Variants in GLYATL1 observed in about 807,000 individuals in gnomAD.
The protein encoded by GLYATL1 is glycine-N-acyltransferase like 1.
A neutral mutation model predicts 20.0 loss-of-function variants in GLYATL1; 15 were observed. The observed-to-expected ratio is 0.75, with a 90% CI of 0.50 to 1.15. GLYATL1 has a LOEUF of 1.15. Ranked by LOEUF, GLYATL1 falls within the 50% of genes most tolerant of loss-of-function variation. The pLI is 0.00. For missense variants in GLYATL1, 380 were observed against 368.5 expected (o/e 1.03, Z -0.26); for synonymous variants, 151 against 131.5 (o/e 1.15, Z -1.01).
At chr11:58,905,714 ACC>A in intron 1 of GLYATL1, 1 of 169,466 alleles carries the variant, frequency 5.9e-6, no homozygotes, top group Non-Finnish European at 1.2e-5. Context: ...GATCGCTGGG[ACC>A]GGGATGGGTC....
chr11:58,907,797 A>G (rs1370133062), exon 2 of GLYATL1: 2 of 181,716 alleles, frequency 1.1e-5, no homozygotes, highest in East Asian at 2.8e-4. Context: ...CATGGAAACC[A>G]TTTCATACTT....
upstream of GLYATL1, among the ~76,000 whole-genome samples, chr11:58,927,396 A>G (rs555824512): frequency 6.6e-6 from 1 of 152,350 alleles, no homozygotes; most frequent in South Asian, 2.1e-4. Context: ...GCAAAGCTAG[A>G]GAGTCAGGCA....
At chr11:58,920,800 T>C (rs1231129046) in intron 1 of GLYATL1, among the ~76,000 whole-genome samples, 2 of 152,192 alleles carry the variant, frequency 1.3e-5, no homozygotes, top group African/African-American at 4.8e-5. Flanking sequence ...TACCCGGATT[T>C]TCAGTTGCTG....
At chr11:58,942,397 C>G (rs188971994) in intron 1 of GLYATL1, 2 of 152,322 alleles carry the variant, frequency 1.3e-5, no homozygotes, top group African/African-American at 4.8e-5. Context: ...GTCAATGTCT[C>G]TGCTCATAAG....
At chr11:58,913,560 T>C (rs1434960084), downstream of GLYATL1, among the ~76,000 whole-genome samples, 1 of 152,220 alleles carries the variant, frequency 6.6e-6, no homozygotes, top group East Asian at 1.9e-4. Context: ...ACTTGCCTGG[T>C]ATGTCACAGG....
At chr11:58,940,041 A>G (rs1441114305) in intron 1 of GLYATL1, among the ~76,000 whole-genome samples, 1 of 152,218 alleles carries the variant, frequency 6.6e-6, no homozygotes, top group Non-Finnish European at 1.5e-5. Flanking sequence ...TATAGTCATC[A>G]GAAATCAGAA....
At chr11:58,943,751 T>C (rs1856354552) in intron 2 of GLYATL1, 85 bp downstream of exon 2, 2 of 1,558,198 alleles carry the variant, frequency 1.3e-6, no homozygotes, top group South Asian at 1.2e-5. Context: ...TGATCCAAAC[T>C]GGGTTTGGAG....
At chr11:58,948,282 G>T (rs1362255508) in intron 4 of GLYATL1, among the ~76,000 whole-genome samples, 2 of 152,142 alleles carry the variant, frequency 1.3e-5, no homozygotes, top group Non-Finnish European at 2.9e-5. Context: ...GGGAAAGTTG[G>T]GTGTCTGAGA....
chr11:58,955,200 G>T lies in GLYATL1; in HGVS notation c.338G>T (p.Gly113Val), dbSNP rs1243335882. The change falls in exon 6 of 7, where the codon GGG (glycine) becomes GTG (valine). Residue 113 changes from glycine to valine, a missense_variant. Transcript: ENST00000532726. ...IQGLQESLGE[G>V]IRVATFSKSV... ...GGTCTTCAAGAAAGTTTAGGTGAGG[G>T]GATAAGAGTGGCTACATTTTCAAAG... is the stretch of plus-strand genomic sequence containing the variant. The T allele has an allele frequency of 6.2e-7, 1 of 1,613,870 alleles. No homozygotes were observed. Among genetic ancestry groups the T allele is most frequent in the African/African-American group, 1.3e-5 (1 of 75,014 alleles).
chr11:58,919,312 C>A (rs1311682114), intron 1 of GLYATL1, among the ~76,000 whole-genome samples: 1 of 152,186 alleles, frequency 6.6e-6, no homozygotes, highest in Non-Finnish European at 1.5e-5. Context: ...GTGGGCACAC[C>A]TGACTTGGAG....
At chr11:58,947,545 C>T in intron 3 of GLYATL1, 2 of 453,710 alleles carry the variant, frequency 4.4e-6, no homozygotes, top group Non-Finnish European at 8.0e-6. Context: ...AACGTTAGCA[C>T]CTACCGCTTA....
chr11:58,918,340 T>A (rs764123435), intron 1 of GLYATL1, among the ~76,000 whole-genome samples: 1 of 152,256 alleles, frequency 6.6e-6, no homozygotes, highest in African/African-American at 2.4e-5. Flanking sequence ...AATTTTCACA[T>A]CTTGGCAGTC....
intron 1 of GLYATL1, chr11:58,905,720 A>G: frequency 1.2e-5 from 2 of 165,180 alleles, no homozygotes; most frequent in South Asian, 5.2e-5. Context: ...TGGGACCGGG[A>G]TGGGTCATCT....
intron 1 of GLYATL1, among the ~76,000 whole-genome samples, chr11:58,941,763 C>G (rs1290041350): frequency 6.6e-6 from 1 of 152,174 alleles, no homozygotes; most frequent in Non-Finnish European, 1.5e-5. Flanking sequence ...CCTGACTGGA[C>G]AGATGTCAGG....
intron 1 of GLYATL1, 165 bp from the exon 2 acceptor site, chr11:58,943,378 G>C: frequency 1.3e-6 from 2 of 1,543,062 alleles, no homozygotes; most frequent in African/African-American, 2.8e-5. Flanking sequence ...TCTGGTTCCT[G>C]TACATCACTT....
At chr11:58,912,506 TC>T (rs1855069512), downstream of GLYATL1, among the ~76,000 whole-genome samples, 1 of 152,080 alleles carries the variant, frequency 6.6e-6, no homozygotes. Flanking sequence ...GGAATCTCCC[TC>T]CCCAGACAAA....
chr11:58,924,514 C>G (rs1014487957), upstream of GLYATL1, among the ~76,000 whole-genome samples: 3 of 152,178 alleles, frequency 2.0e-5, no homozygotes, highest in Non-Finnish European at 4.4e-5. Context: ...TGTTGCTTTC[C>G]CTAATGTTTC....
upstream of GLYATL1, among the ~76,000 whole-genome samples, chr11:58,926,200 T>C (rs1855423798): frequency 1.3e-5 from 2 of 152,148 alleles, no homozygotes; most frequent in African/African-American, 2.4e-5. Context: ...CTGGACATTG[T>C]AGGATAATTG....
chr11:58,907,100 C>T, intron 1 of GLYATL1: 1 of 331,302 alleles, frequency 3.0e-6, no homozygotes, highest in South Asian at 2.5e-5. Context: ...GAAAGTTACA[C>T]CATAATAGTT....
Sources: gnomAD v4.1 joint callset for allele counts (sites outside exome capture counted in the v4.1 genomes callset) on GRCh38, gnomAD v4.1.1 for gene constraint, MANE v1.5 for transcripts, NCBI Gene and HGNC (gene_info 2026-07-23, HGNC 2026-07-21) for gene names.